Variants in ZFAND3 observed in about 807,000 individuals in gnomAD.
The protein encoded by ZFAND3 is zinc finger AN1-type containing 3.
A neutral mutation model predicts 29.6 loss-of-function variants in ZFAND3; 10 were observed. The observed-to-expected ratio is 0.34, with a 90% CI of 0.21 to 0.57. The LOEUF (loss-of-function observed/expected upper bound fraction) is 0.57, where lower values mean the gene tolerates loss of function less well. Among genes scored for constraint, ZFAND3 ranks in the 20% least tolerant of loss-of-function variants. The pLI is 0.86. For synonymous variants in ZFAND3, 128 were observed against 112.6 expected (o/e 1.14, Z -0.87); for missense variants, 230 against 304.5 (o/e 0.76, Z 1.82).
intron 2 of ZFAND3, among the ~76,000 whole-genome samples, chr6:38,017,349 G>A (rs975099815): frequency 1.3e-5 from 2 of 152,200 alleles, no homozygotes; most frequent in African/African-American, 4.8e-5. Context: ...GAGCTGTTTG[G>A]CGTTACAGTT....
Position 38,095,964 on chromosome 6 carries a change from T to G in ZFAND3, c.361+13507T>G, listed in dbSNP as rs958785627. ...ATGAGGATCACCTGAGCCCAGGAGG[T>G]CGTGGCTACAGCGAGCCATGATTGC... On this transcript the variant is annotated intron_variant, in intron 4 of 5. Transcript: ENST00000287218. 4.0e-5 allele frequency among the ~76,000 whole-genome samples: 6 copies of G among 151,672 alleles called. No individual in the cohort carries two copies. The East Asian group carries it at 5.8e-4, about 15-fold the overall frequency.
intron 2 of ZFAND3, among the ~76,000 whole-genome samples, chr6:37,949,841 G>A (rs1160898016): frequency 6.6e-6 from 1 of 152,136 alleles, no homozygotes; most frequent in Non-Finnish European, 1.5e-5. Context: ...CCTTCCTCTT[G>A]CCCTATACAT....
intron 1 of ZFAND3, among the ~76,000 whole-genome samples, chr6:37,910,263 A>G (rs1765495763): frequency 6.6e-6 from 1 of 152,170 alleles, no homozygotes; most frequent in Admixed American, 6.6e-5. Context: ...TGCAGATAAT[A>G]CCAGTGAGTC....
chr6:38,083,813 T>C (rs1262748626), intron 4 of ZFAND3, among the ~76,000 whole-genome samples: 1 of 151,910 alleles, frequency 6.6e-6, no homozygotes, highest in Non-Finnish European at 1.5e-5. Flanking sequence ...TGAATATCAT[T>C]TACTTGTGTC....
In ZFAND3 at chr6:37,890,225, TCCTTTC is replaced by T. The variant is rs922998665; in HGVS notation, c.72-39731_72-39726del. Among the ~76,000 whole-genome samples, 16 of 152,246 alleles carry T rather than the reference TCCTTTC, an allele frequency of 1.1e-4. 1 individual carries two copies. The highest frequency in any genetic ancestry group is 6.5e-5 in the Admixed American group (1 of 15,284). On this transcript the variant is annotated intron_variant, in intron 1 of 5. Transcript: ENST00000287218. ...AAGTTTATACATGTATGTTTATAAA[TCCTTTC>T]CCAGTTAACATTTTTTAATTTTGTG...
intron 4 of ZFAND3, among the ~76,000 whole-genome samples, chr6:38,092,602 A>G (rs1440691985): frequency 6.6e-6 from 1 of 152,200 alleles, no homozygotes; most frequent in Admixed American, 6.5e-5. Flanking sequence ...ATGTGGAGGG[A>G]AAGTCTAGGA....
chr6:37,880,167 A>G (rs1764866025), intron 1 of ZFAND3, among the ~76,000 whole-genome samples: 1 of 152,112 alleles, frequency 6.6e-6, no homozygotes, highest in Non-Finnish European at 1.5e-5. Context: ...AGCAACAAAA[A>G]CTCACACTCT....
intron 2 of ZFAND3, among the ~76,000 whole-genome samples, chr6:38,017,902 C>G (rs1386368624): frequency 6.6e-6 from 1 of 152,154 alleles, no homozygotes; most frequent in Non-Finnish European, 1.5e-5. Flanking sequence ...GTATTGTCCC[C>G]TCCCCCAAGT....
At chr6:38,053,165 A>AT (rs1367917284) in intron 2 of ZFAND3, among the ~76,000 whole-genome samples, 1 of 152,218 alleles carries the variant, frequency 6.6e-6, no homozygotes, top group African/African-American at 2.4e-5. Flanking sequence ...GTGGCATCAA[A>AT]TGTGGCTGAA....
chr6:38,057,545 A>G (rs1281116983), intron 2 of ZFAND3, among the ~76,000 whole-genome samples: 2 of 152,136 alleles, frequency 1.3e-5, no homozygotes, highest in Non-Finnish European at 2.9e-5. Flanking sequence ...TTTAATCCAC[A>G]TTTTCCTGAG....
chr6:38,069,809 G>T (rs918505619), intron 3 of ZFAND3, among the ~76,000 whole-genome samples: 2 of 152,134 alleles, frequency 1.3e-5, no homozygotes, highest in Non-Finnish European at 2.9e-5. Flanking sequence ...TTAAGTACTG[G>T]TAGTATCATC....
intron 2 of ZFAND3, among the ~76,000 whole-genome samples, chr6:37,974,252 C>T (rs142193530): frequency 6.6e-5 from 10 of 152,118 alleles, no homozygotes; most frequent in African/African-American, 2.4e-4. Flanking sequence ...TTAGTAGAGA[C>T]GGAGTTTGAC....
Position 37,978,754 on chromosome 6 carries a change from T to G in ZFAND3, c.112+48755T>G, listed in dbSNP as rs533148071. 3.3e-5 allele frequency among the ~76,000 whole-genome samples: 5 copies of G among 152,334 alleles called. No individual in the cohort carries two copies. The East Asian group carries it at 9.6e-4, about 29-fold the overall frequency. ...GTCTCAGCTCACTGCAACCTCTGCCTCCTGGGTTCAAGTGATTCTCATGCC... is the reference window on the plus strand; with the variant it reads ...GTCTCAGCTCACTGCAACCTCTGCCGCCTGGGTTCAAGTGATTCTCATGCC... On this transcript the variant is annotated intron_variant, in intron 2 of 5. Coordinates refer to ENST00000287218, the MANE Select transcript of ZFAND3 (RefSeq NM_021943.3).
chr6:37,906,692 TACTTTC>T (rs1394021537), intron 1 of ZFAND3, among the ~76,000 whole-genome samples: 7 of 135,630 alleles, frequency 5.2e-5, no homozygotes, highest in African/African-American at 2.0e-4. Context: ...GGCCAACACT[TACTTTC>T]TGTTTTTTTT....
chr6:37,908,542 TA>T (rs70981504), intron 1 of ZFAND3, among the ~76,000 whole-genome samples: 19,171 of 123,872 alleles, frequency 0.15, 1,319 homozygotes, highest in Non-Finnish European at 0.19. Flanking sequence ...AAAAAAAAAT[TA>T]AAAAAAAAAA....
chr6:37,956,782 T>C (rs1289045975), intron 2 of ZFAND3, among the ~76,000 whole-genome samples: 1 of 152,148 alleles, frequency 6.6e-6, no homozygotes. Context: ...CTGAAGTAAT[T>C]GAGGCACTTA....
At position 37,843,441 on chromosome 6, in the gene ZFAND3, C is replaced by T. The variant is rs140117681; in HGVS notation, c.71+23425C>T. 5.1e-3 allele frequency among the ~76,000 whole-genome samples: 760 copies of T among 149,830 alleles called. 9 individuals are homozygous for T. The highest frequency in any genetic ancestry group is 0.017 in the African/African-American group (698 of 40,634). On this transcript the variant is annotated intron_variant, in intron 1 of 5. Coordinates refer to ENST00000287218, the MANE Select transcript of ZFAND3 (RefSeq NM_021943.3). ...GGCGGAGCTTGCAGAGAACCGAGAT[C>T]GTGCCACTGCACTCCAGCCTGGGTG...
intron 2 of ZFAND3, among the ~76,000 whole-genome samples, chr6:38,041,958 T>G (rs1433865277): frequency 6.7e-6 from 1 of 149,694 alleles, no homozygotes; most frequent in East Asian, 2.0e-4. Context: ...TGCCTCAGCC[T>G]CCCAAGTAGC....
chr6:37,839,113 C>G (rs1764021870), intron 1 of ZFAND3, among the ~76,000 whole-genome samples: 1 of 152,080 alleles, frequency 6.6e-6, no homozygotes, highest in Non-Finnish European at 1.5e-5. Flanking sequence ...TACTTTGGAA[C>G]AATGTCTGTT....
Sources: gnomAD v4.1 joint callset for allele counts (sites outside exome capture counted in the v4.1 genomes callset) on GRCh38, gnomAD v4.1.1 for gene constraint, MANE v1.5 for transcripts, NCBI Gene and HGNC (gene_info 2026-07-23, HGNC 2026-07-21) for gene names.